Variants in EIF2AK1 observed in about 807,000 individuals in gnomAD.
The protein encoded by EIF2AK1 is eukaryotic translation initiation factor 2 alpha kinase 1.
EIF2AK1 carries 54 observed loss-of-function variants against 77.9 expected under a neutral mutation model. The observed-to-expected ratio is 0.69, with a 90% CI of 0.56 to 0.87. EIF2AK1 has a LOEUF of 0.87. Ranked by LOEUF, EIF2AK1 falls within the 40% of genes least tolerant of loss-of-function variation. The pLI, the probability that EIF2AK1 is intolerant of heterozygous loss-of-function variation, is 0.00. For missense variants in EIF2AK1, 810 were observed against 768.6 expected (o/e 1.05, Z -0.64); for synonymous variants, 314 against 290.5 (o/e 1.08, Z -0.82).
At chr7:6,054,809 C>A in intron 1 of EIF2AK1, 105 bp from the exon 2 acceptor site, 1 of 1,187,096 alleles carries the variant, frequency 8.4e-7, no homozygotes. Flanking sequence ...TAAATGTAAG[C>A]AGATAAAAAC....
intron 8 of EIF2AK1, among the ~76,000 whole-genome samples, chr7:6,042,268 T>C (rs1024215347): frequency 2.0e-5 from 3 of 151,216 alleles, no homozygotes; most frequent in Non-Finnish European, 2.9e-5. Context: ...CTGGCCAACA[T>C]GGCAAAACCC....
At chr7:6,044,722 T>C in intron 6 of EIF2AK1, 61 bp from the exon 7 acceptor site, 1 of 1,449,312 alleles carries the variant, frequency 6.9e-7, no homozygotes, top group East Asian at 2.3e-5. Context: ...GTTTATGCAA[T>C]ACTTCTTGTT....
At chr7:6,026,684 A>C (rs537729982) in intron 14 of EIF2AK1, 44 bp downstream of exon 14, 1 of 1,552,670 alleles carries the variant, frequency 6.4e-7, no homozygotes, top group East Asian at 2.2e-5. Context: ...AGAGGCAATA[A>C]AAACCACCTT....
In EIF2AK1 at chr7:6,032,596, G is replaced by A. The variant is rs1018162268; in HGVS notation, c.1333-3564C>T. Among the ~76,000 whole-genome samples, 2 of 152,166 alleles carry A rather than the reference G, an allele frequency of 1.3e-5. No homozygotes were observed. Among genetic ancestry groups the A allele is most frequent in the African/African-American group, 4.8e-5 (2 of 41,438 alleles). ...TCAAAAATTTCCAAAGCTTTTGAGT[G>A]TTATTTCTGTTGCCTCAGTAAATGT... On this transcript the variant is annotated intron_variant, in intron 11 of 14. Transcript: ENST00000199389. This position sits in a 1 kb window ranked among gnomAD's most constrained non-coding sequence, Gnocchi z 4.3.
chr7:6,045,315 A>C (rs1400796685), intron 6 of EIF2AK1, among the ~76,000 whole-genome samples: 1 of 152,044 alleles, frequency 6.6e-6, no homozygotes, highest in Non-Finnish European at 1.5e-5. Context: ...TATGTTGGCC[A>C]GGCTGGTCTC....
intron 9 of EIF2AK1, among the ~76,000 whole-genome samples, chr7:6,039,921 G>C (rs1413878433): frequency 6.6e-6 from 1 of 151,904 alleles, no homozygotes; most frequent in South Asian, 2.1e-4. Context: ...TGGGTGACAA[G>C]AGCAAAACTT....
chr7:6,058,162 C>A (rs1243032789), intron 1 of EIF2AK1: 3 of 455,430 alleles, frequency 6.6e-6, no homozygotes, highest in Non-Finnish European at 1.3e-5. Flanking sequence ...ATAATCCCAG[C>A]ATTTTGGAAG....
At position 6,023,468 on chromosome 7, in the gene EIF2AK1, G is replaced by A; in HGVS notation, c.*1205C>T. On this transcript the variant is annotated 3_prime_UTR_variant, in exon 15 of 15. Transcript: ENST00000199389. Reference sequence around the variant, plus strand: ...ATTGCGATTTTTCAGTTAAAAGAGGGAAGCAGTAAAGAAAAAGCCGCTGTT... The same window carrying A: ...ATTGCGATTTTTCAGTTAAAAGAGGAAAGCAGTAAAGAAAAAGCCGCTGTT... 6.2e-7 allele frequency: 1 copy of A among 1,614,142 alleles called. No individual in the cohort carries two copies. Among genetic ancestry groups the A allele is most frequent in the Middle Eastern group, 1.6e-4 (1 of 6,062 alleles).
At chr7:6,045,742 TATATATATATAA>T (rs1166356841) in intron 6 of EIF2AK1, among the ~76,000 whole-genome samples, 1 of 147,332 alleles carries the variant, frequency 6.8e-6, no homozygotes, top group Non-Finnish European at 1.5e-5. Flanking sequence ...ATTATATATA[TATATATATATAA>T]ATTAGCCAGG....
chr7:6,033,059 C>T lies in EIF2AK1; in HGVS notation c.1333-4027G>A. 1 of 787,196 alleles carries T rather than the reference C, an allele frequency of 1.3e-6. No homozygotes were observed. The highest frequency in any genetic ancestry group is 2.0e-6 in the Non-Finnish European group (1 of 510,898). The allele number at this position is 787,196 out of a possible 1,614,324, so 48.8% of individuals were successfully genotyped here. On this transcript the variant is annotated intron_variant, in intron 11 of 14. Transcript: ENST00000199389. The surrounding 1 kb of genome is among the most constrained non-coding windows in gnomAD (Gnocchi z 4.4). The stretch of plus-strand genomic sequence containing the variant: ...TCTCGCCTCACTGCAACCTCTACTT[C>T]CTGGGTTCAAGAGCTTCTCCCACCT...
intron 11 of EIF2AK1, chr7:6,031,497 G>A (rs1160341746): frequency 6.4e-7 from 1 of 1,550,688 alleles, no homozygotes; most frequent in Middle Eastern, 1.7e-4. Flanking sequence ...AGAGAAGACT[G>A]CACTACGATC....
intron 9 of EIF2AK1, among the ~76,000 whole-genome samples, chr7:6,040,410 G>A (rs749514554): frequency 5.3e-5 from 8 of 152,062 alleles, no homozygotes; most frequent in Non-Finnish European, 1.0e-4. Context: ...TGGTGGCAGC[G>A]TGGCCATGGA....
At position 6,031,280 on chromosome 7, in the gene EIF2AK1, A is replaced by C. The variant is rs939518213; in HGVS notation, c.1333-2248T>G. 2.5e-6 allele frequency: 3 copies of C among 1,198,042 alleles called. No homozygotes were observed. In the Admixed American group the frequency reaches 6.7e-5, roughly 27 times the overall value. The allele number at this position is 1,198,042 out of a possible 1,614,324, so 74.2% of individuals were successfully genotyped here. A position where few individuals can be genotyped will look rare whatever the true frequency, so the allele number is the denominator to read the frequency against. ...AGATCCAATTCTCGACAAATTCTAG[A>C]ACAGTTCTAGAACTGAACTGAAAGA... is the stretch of plus-strand genomic sequence containing the variant. On this transcript the variant is annotated intron_variant, in intron 11 of 14. Transcript: ENST00000199389.
intron 7 of EIF2AK1, 91 bp from the exon 8 acceptor site, chr7:6,043,084 A>T: frequency 8.0e-7 from 1 of 1,251,056 alleles, no homozygotes; most frequent in Non-Finnish European, 1.2e-6. Context: ...ATAGTGTCAA[A>T]TGAGACTACA....
chr7:6,042,593 G>A (rs945349297), intron 8 of EIF2AK1, among the ~76,000 whole-genome samples: 2 of 152,114 alleles, frequency 1.3e-5, no homozygotes, highest in Non-Finnish European at 2.9e-5. Flanking sequence ...CAGGCCAGGT[G>A]CAGTGGCTCA....
In EIF2AK1 at chr7:6,023,419, AC is replaced by A. The variant is rs868626436; in HGVS notation, c.*1253del. On this transcript the variant is annotated 3_prime_UTR_variant, in exon 15 of 15. Transcript: ENST00000199389. ...CCAGAAGCATAATGCTGTCAACGCA[AC>A]CCTTATAGATAGCTGGGTAGATATT... The A allele has an allele frequency of 4.3e-6, 7 of 1,614,110 alleles. No homozygotes were observed. The African/African-American group carries it at 9.3e-5, about 22-fold the overall frequency.
At chr7:6,058,222 A>C (rs942349518) in intron 1 of EIF2AK1, 2 of 453,852 alleles carry the variant, frequency 4.4e-6, no homozygotes, top group Non-Finnish European at 8.8e-6. Flanking sequence ...CCAGCCTGGG[A>C]AACACAGCAA....
At chr7:6,055,767 G>T (rs902137317) in intron 1 of EIF2AK1, among the ~76,000 whole-genome samples, 4 of 151,202 alleles carry the variant, frequency 2.6e-5, no homozygotes, top group Non-Finnish European at 5.9e-5. Context: ...GATCACCTAA[G>T]GTCAGGAGTT....
chr7:6,042,430 G>A (rs186929481), intron 8 of EIF2AK1, among the ~76,000 whole-genome samples: 12 of 147,362 alleles, frequency 8.1e-5, no homozygotes, highest in East Asian at 6.1e-4. Flanking sequence ...CAACCTGGGC[G>A]ACAGAGCGAG....
Sources: allele counts gnomAD v4.1 joint callset (sites outside exome capture counted in the v4.1 genomes callset), GRCh38; gene constraint gnomAD v4.1.1; non-coding constraint Gnocchi (gnomAD v3.1); transcripts MANE v1.5; gene names NCBI Gene and HGNC (gene_info 2026-07-23, HGNC 2026-07-21).